Variants in NTRK3 observed in about 807,000 individuals in gnomAD.
NTRK3 encodes neurotrophic receptor tyrosine kinase 3.
Under a neutral mutation model 91.7 loss-of-function variants are expected in NTRK3, and 24 were observed. That is an observed-to-expected ratio of 0.26 (90% CI 0.19 to 0.37). The LOEUF (loss-of-function observed/expected upper bound fraction) is 0.37. Ranked by LOEUF, NTRK3 falls within the 10% of genes least tolerant of loss-of-function variation. NTRK3 has a pLI of 1.00. For synonymous variants in NTRK3, 483 were observed against 404.0 expected, an observed-to-expected ratio of 1.20 and a Z score of -2.34; for missense variants, 880 against 1,068.9, an observed-to-expected ratio of 0.82 and a Z score of 2.46.
At chr15:88,195,125 G>C (rs894658567) in intron 3 of NTRK3, among the ~76,000 whole-genome samples, 1 of 152,166 alleles carries the variant, frequency 6.6e-6, no homozygotes, top group African/African-American at 2.4e-5. Flanking sequence ...GGTGAGGCCA[G>C]AGATGTTATT....
rs191743509 is a variant in NTRK3 at position 88,127,755 on chromosome 15, A to G, written c.1229-529T>C. On this transcript the variant is annotated intron_variant, in intron 11 of 18. Transcript: ENST00000394480. ...GGATCCATCAATCAGCCCACTATCC[A>G]TTCCCCTAACACTGATTTCAGAACA... 3.2e-4 allele frequency among the ~76,000 whole-genome samples: 48 copies of G among 152,246 alleles called. 1 individual carries two copies. In the East Asian group the frequency reaches 9.3e-3, roughly 29 times the overall value.
chr15:88,211,347 ACT>A (rs1404322653), intron 3 of NTRK3, among the ~76,000 whole-genome samples: 1 of 152,178 alleles, frequency 6.6e-6, no homozygotes, highest in Non-Finnish European at 1.5e-5. Flanking sequence ...TCAAAATGTC[ACT>A]CTTTTATGGC....
At chr15:88,162,223 G>A (rs755778933) in intron 5 of NTRK3, among the ~76,000 whole-genome samples, 1 of 152,194 alleles carries the variant, frequency 6.6e-6, no homozygotes, top group African/African-American at 2.4e-5. Context: ...GACAACTCAT[G>A]AACAGCTCAT....
chr15:87,882,337 G>A (rs1567066244), intron 17 of NTRK3, among the ~76,000 whole-genome samples: 1 of 152,146 alleles, frequency 6.6e-6, no homozygotes, highest in Non-Finnish European at 1.5e-5. Context: ...TAGGAGCCAA[G>A]CTAATTGAAT....
At chr15:88,110,449 A>C (rs1217566624) in intron 13 of NTRK3, among the ~76,000 whole-genome samples, 3 of 152,168 alleles carry the variant, frequency 2.0e-5, no homozygotes, top group Non-Finnish European at 4.4e-5. Context: ...AAGATCCCAG[A>C]TTATATCTTC....
At chr15:88,077,684 CA>C (rs998035628) in intron 13 of NTRK3, among the ~76,000 whole-genome samples, 7 of 152,094 alleles carry the variant, frequency 4.6e-5, no homozygotes, top group Non-Finnish European at 7.3e-5. Context: ...TAAATAATGA[CA>C]AGGATGAGGC....
Position 87,916,518 on chromosome 15 carries a change from C to G in NTRK3, c.2133+12673G>C, listed in dbSNP as rs759277659. The stretch of plus-strand genomic sequence containing the variant: ...TCAGAATTTTCTTATGGGGCATCTT[C>G]CCCGTCTTTTTTCCCCAGTATCAGT... On this transcript the variant is annotated intron_variant, in intron 17 of 18. Coordinates refer to ENST00000394480, the Ensembl canonical transcript of NTRK3. 2.3e-4 allele frequency: 161 copies of G among 702,192 alleles called. 3 individuals carry two copies. In the South Asian group the frequency reaches 2.3e-3, roughly 10 times the overall value. 43.5% of individuals were successfully genotyped at this position (702,192 alleles called of 1,614,324 possible).
At chr15:88,101,858 G>A (rs954639218) in intron 13 of NTRK3, among the ~76,000 whole-genome samples, 2 of 152,118 alleles carry the variant, frequency 1.3e-5, no homozygotes, top group African/African-American at 4.8e-5. Context: ...ACACACCAGG[G>A]ACTGTTGTGG....
At chr15:88,046,292 G>C (rs2080188801) in intron 13 of NTRK3, among the ~76,000 whole-genome samples, 1 of 152,158 alleles carries the variant, frequency 6.6e-6, no homozygotes, top group Admixed American at 6.5e-5. Flanking sequence ...ACACCTTCCA[G>C]ACTGGCCTTT....
rs149150741 is a variant in NTRK3 at position 87,933,080 on chromosome 15, G to A, written c.1821C>T (p.Cys607=). ...CCATGATGAGGGGGTCCCCATCGCC[G>A]CACACTCCATAGAACTTGACAATGT... Residue 607 remains cysteine, a synonymous_variant, in exon 16 of 19, where the codon TGC becomes TGT. Transcript: ENST00000394480. 6.0e-5 allele frequency: 97 copies of A among 1,613,886 alleles called. 1 individual carries two copies. The highest frequency in any genetic ancestry group is 3.6e-4 in the South Asian group (33 of 91,056).
intron 5 of NTRK3, among the ~76,000 whole-genome samples, chr15:88,168,969 T>C (rs1463232822): frequency 1.3e-5 from 2 of 152,152 alleles, no homozygotes; most frequent in Admixed American, 6.5e-5. Context: ...GAATAGACAT[T>C]AACTAAAGCG....
At chr15:88,175,734 T>C (rs769496723) in intron 5 of NTRK3, among the ~76,000 whole-genome samples, 1 of 152,238 alleles carries the variant, frequency 6.6e-6, no homozygotes, top group Non-Finnish European at 1.5e-5. Flanking sequence ...CATTAATTCA[T>C]TTAATCTTGC....
exon 19 of NTRK3, chr15:87,865,088 G>A (rs1286449103): frequency 4.7e-6 from 1 of 213,776 alleles, no homozygotes; most frequent in Non-Finnish European, 9.5e-6. Flanking sequence ...GAAAAGAGAA[G>A]CTGAGAGAGC....
chr15:88,087,479 T>C (rs2048609633), intron 13 of NTRK3, among the ~76,000 whole-genome samples: 1 of 152,158 alleles, frequency 6.6e-6, no homozygotes, highest in South Asian at 2.1e-4. Flanking sequence ...ATTCCGGTCC[T>C]TAGCCACAGA....
chr15:87,976,421 C>T (rs938357646), intron 14 of NTRK3, among the ~76,000 whole-genome samples: 4 of 152,194 alleles, frequency 2.6e-5, no homozygotes, highest in Non-Finnish European at 5.9e-5. Flanking sequence ...CATTACTTTA[C>T]TTGTCTCATC....
At chr15:88,196,228 T>C (rs1408625323) in intron 3 of NTRK3, among the ~76,000 whole-genome samples, 1 of 152,208 alleles carries the variant, frequency 6.6e-6, no homozygotes, top group African/African-American at 2.4e-5. Flanking sequence ...AAGGGAGTCC[T>C]TGACTTTGCA....
At chr15:88,251,747 T>A (rs1051317940) in intron 3 of NTRK3, among the ~76,000 whole-genome samples, 2 of 152,222 alleles carry the variant, frequency 1.3e-5, no homozygotes, top group African/African-American at 2.4e-5. Flanking sequence ...AGGCCCTCCC[T>A]TTCTCACAGC....
chr15:88,090,925 C>T (rs569780169), intron 13 of NTRK3, among the ~76,000 whole-genome samples: 11 of 152,176 alleles, frequency 7.2e-5, no homozygotes, highest in South Asian at 4.1e-4. Context: ...ACCTGGTGCA[C>T]GGCCATGCGT....
intron 13 of NTRK3, among the ~76,000 whole-genome samples, chr15:88,094,475 C>CAAAAAAAAAAAAAAA (rs10610101): frequency 3.3e-5 from 1 of 30,324 alleles, no homozygotes; most frequent in African/African-American, 9.2e-5. Context: ...GACTCCGTCT[C>CAAAAAAAAAAAAAAA]AAAAAAAAAA....
Sources: allele counts gnomAD v4.1 joint callset (sites outside exome capture counted in the v4.1 genomes callset), GRCh38; gene constraint gnomAD v4.1.1; transcripts MANE v1.5; gene names NCBI Gene and HGNC (gene_info 2026-07-23, HGNC 2026-07-21).